Variants in KLHL13 observed in about 807,000 individuals in gnomAD.
KLHL13 encodes the protein kelch-like protein 13.
In KLHL13, 10 loss-of-function variants were observed where a neutral mutation model predicts 37.1. The ratio of observed to expected loss-of-function variants is 0.27; its 90% CI spans 0.17 to 0.46. KLHL13 has a LOEUF of 0.46. Among genes scored for constraint, KLHL13 ranks in the 20% least tolerant of loss-of-function variants. The pLI, the probability that KLHL13 is intolerant of heterozygous loss-of-function variation, is 1.00. For missense variants in KLHL13, 360 were observed against 509.3 expected, an observed-to-expected ratio of 0.71 and a Z score of 2.82; for synonymous variants, 163 against 181.2, an observed-to-expected ratio of 0.90 and a Z score of 0.81.
chrX:117,993,672 T>C (rs750208881), intron 1 of KLHL13, among the ~76,000 whole-genome samples: 2 of 109,992 alleles, frequency 1.8e-5, no homozygotes, highest in South Asian at 7.9e-4. Context: ...TCCAAGTTAC[T>C]GAGAGAGAAA....
At chrX:117,964,710 C>T (rs12389583) in intron 1 of KLHL13, among the ~76,000 whole-genome samples, 6,150 of 110,946 alleles carry the variant, frequency 0.055, 419 homozygotes, top group African/African-American at 0.19. Context: ...TAACATTAGG[C>T]ATATCTCCTA....
intron 4 of KLHL13, among the ~76,000 whole-genome samples, chrX:117,918,860 C>G (rs974851557): frequency 8.9e-6 from 1 of 112,042 alleles, no homozygotes; most frequent in African/African-American, 3.2e-5. Context: ...TTAAAGAGTT[C>G]TAGAAGCTCA....
intron 1 of KLHL13, among the ~76,000 whole-genome samples, chrX:118,039,819 G>A (rs1325571703): frequency 9.0e-6 from 1 of 111,511 alleles, no homozygotes; most frequent in African/African-American, 3.3e-5. Flanking sequence ...GGGACCCAGT[G>A]CAGTCCCAGT....
chrX:117,962,034 T>C (rs1363194664), intron 1 of KLHL13, among the ~76,000 whole-genome samples: 1 of 88,098 alleles, frequency 1.1e-5, no homozygotes, highest in East Asian at 2.9e-4. Context: ...CGAGACCTCA[T>C]CTCTACAAAT....
intron 1 of KLHL13, among the ~76,000 whole-genome samples, chrX:117,964,750 A>G (rs920684445): frequency 1.3e-4 from 14 of 110,433 alleles, no homozygotes; most frequent in Non-Finnish European, 2.3e-4. Context: ...CCCCCACCCC[A>G]TAACAGTCCC....
chrX:117,988,452 T>A (rs2053752522), intron 1 of KLHL13, among the ~76,000 whole-genome samples: 1 of 111,974 alleles, frequency 8.9e-6, no homozygotes, highest in African/African-American at 3.2e-5. Context: ...TGCTGAAATA[T>A]CCATAGTGAT....
intron 1 of KLHL13, among the ~76,000 whole-genome samples, chrX:118,106,632 A>G (rs912688942): frequency 9.0e-6 from 1 of 111,610 alleles, no homozygotes; most frequent in Admixed American, 9.5e-5. Context: ...ACAGTATATG[A>G]CCAATATGTT....
chrX:117,910,681 G>A (rs1278330628), intron 4 of KLHL13, among the ~76,000 whole-genome samples: 1 of 111,059 alleles, frequency 9.0e-6, no homozygotes, highest in Non-Finnish European at 1.9e-5. Context: ...TTATCCCTAG[G>A]GCAAATTAAT....
chrX:118,088,781 C>T (rs976183915), intron 1 of KLHL13, among the ~76,000 whole-genome samples: 1 of 111,399 alleles, frequency 9.0e-6, no homozygotes, highest in Admixed American at 9.6e-5. Flanking sequence ...TTCCTTATTT[C>T]TCCTACAAAA....
rs1353066778 is a variant in KLHL13 at position 118,093,249 on chromosome X, T to C, written c.-56+23259A>G. ...ATTTGAAACTAAAAGCCAAAGTTCC[T>C]TTCATAACCAGATAATACTAGTTAT... On this transcript the variant is annotated intron_variant, in intron 1 of 6. Coordinates refer to the KLHL13 transcript ENST00000371882. Among the ~76,000 whole-genome samples, 3 of 112,071 alleles carry C rather than the reference T, an allele frequency of 2.7e-5. No homozygotes were observed. The Admixed American group carries it at 2.8e-4, about 11-fold the overall frequency.
At chrX:118,016,154 T>TA (rs1223552562) in intron 1 of KLHL13, among the ~76,000 whole-genome samples, 2 of 112,140 alleles carry the variant, frequency 1.8e-5, no homozygotes, top group Non-Finnish European at 3.8e-5. Context: ...TTTAGACTTT[T>TA]AAAATGAAAA....
exon 4 of KLHL13, chrX:117,919,661 C>G: frequency 8.3e-7 from 1 of 1,206,608 alleles, no homozygotes; most frequent in South Asian, 1.8e-5. Context: ...TTCCTTAGAC[C>G]GACTTTGCTC....
intron 3 of KLHL13, among the ~76,000 whole-genome samples, chrX:117,919,972 T>G (rs1296665215): frequency 9.4e-6 from 1 of 106,385 alleles, no homozygotes; most frequent in Admixed American, 1.0e-4. Flanking sequence ...AGAGTAGAGA[T>G]TGTACTAGGA....
At chrX:118,077,223 T>G (rs1356179226) in intron 1 of KLHL13, among the ~76,000 whole-genome samples, 2 of 111,409 alleles carry the variant, frequency 1.8e-5, no homozygotes, top group African/African-American at 6.5e-5. Flanking sequence ...AGTTTACAAC[T>G]GGAAGCAATC....
rs770648616 is a variant in KLHL13, at chrX:118,033,082, A to G, written c.-56+83426T>C. On this transcript the variant is annotated intron_variant, in intron 1 of 6. Transcript: ENST00000371882. ...AATGAGCAAAGCCTCCAAGAAATGT[A>G]GGACTATGTGAAAAGACCAAATCTG... 1.6e-3 allele frequency among the ~76,000 whole-genome samples: 176 copies of G among 111,253 alleles called. 2 individuals carry two copies. Among genetic ancestry groups the G allele is most frequent in the African/African-American group, 5.5e-3 (168 of 30,589 alleles).
intron 1 of KLHL13, among the ~76,000 whole-genome samples, chrX:118,022,153 T>C (rs777324673): frequency 4.5e-4 from 51 of 112,125 alleles, no homozygotes; most frequent in African/African-American, 1.3e-3. Flanking sequence ...ATGGGTAGAT[T>C]GTAAAAATTT....
intron 1 of KLHL13, among the ~76,000 whole-genome samples, chrX:117,948,566 A>G (rs1353617452): frequency 8.9e-6 from 1 of 112,031 alleles, no homozygotes; most frequent in African/African-American, 3.2e-5. Flanking sequence ...AATCTGGCAA[A>G]TTCTGTCTAA....
chrX:117,982,543 G>A (rs183507251), intron 1 of KLHL13, among the ~76,000 whole-genome samples: 1,611 of 111,695 alleles, frequency 0.014, 19 homozygotes, highest in Non-Finnish European at 0.023. Context: ...TGAGAGAAAA[G>A]TGGTTCTTTT....
At chrX:118,082,427 C>T (rs752017279) in intron 1 of KLHL13, among the ~76,000 whole-genome samples, 6 of 110,806 alleles carry the variant, frequency 5.4e-5, no homozygotes, top group African/African-American at 9.8e-5. Context: ...ACAGCTCTTC[C>T]GCTCTTTTGC....
Sources: gnomAD v4.1 joint callset for allele counts (sites outside exome capture counted in the v4.1 genomes callset) on GRCh38, gnomAD v4.1.1 for gene constraint, MANE v1.5 for transcripts, NCBI Gene and HGNC (gene_info 2026-07-23, HGNC 2026-07-21) for gene names.